Variants in SAMD12 observed in about 807,000 individuals in gnomAD.
SAMD12 encodes the protein sterile alpha motif domain-containing protein 12.
Under a neutral mutation model 15.0 loss-of-function variants are expected in SAMD12, and 9 were observed. The ratio of observed to expected loss-of-function variants is 0.60; its 90% confidence interval spans 0.36 to 1.05. The LOEUF (loss-of-function observed/expected upper bound fraction) is 1.05, where lower values mean the gene tolerates loss of function less well. Among genes scored for constraint, SAMD12 ranks in the 50% least tolerant of loss-of-function variants. SAMD12 has a pLI of 0.01. For missense variants in SAMD12, 230 were observed against 234.2 expected, an observed-to-expected ratio of 0.98 and a Z score of 0.12; for synonymous variants, 86 against 90.1, an observed-to-expected ratio of 0.96 and a Z score of 0.25.
At chr8:118,558,727 T>A (rs888060110) in intron 2 of SAMD12, among the ~76,000 whole-genome samples, 2 of 151,656 alleles carry the variant, frequency 1.3e-5, no homozygotes, top group African/African-American at 4.9e-5. Flanking sequence ...CCCGGCTAAT[T>A]TTTTGTATTT....
intron 4 of SAMD12, among the ~76,000 whole-genome samples, chr8:118,209,691 C>T (rs1819964706): frequency 6.6e-6 from 1 of 152,180 alleles, no homozygotes; most frequent in African/African-American, 2.4e-5. Flanking sequence ...GGTAATAGAG[C>T]CCAGATGTCC....
chr8:118,180,631 G>T, the SAMD12 span, among the ~76,000 whole-genome samples: 1 of 152,002 alleles, frequency 6.6e-6, no homozygotes, highest in African/African-American at 2.4e-5. Flanking sequence ...GGAGTGCAGT[G>T]GTGTGATGCT....
chr8:118,361,364 C>G (rs984863759), intron 4 of SAMD12, among the ~76,000 whole-genome samples: 1 of 152,176 alleles, frequency 6.6e-6, no homozygotes, highest in Non-Finnish European at 1.5e-5. Context: ...CTGATTCCCA[C>G]TACCTCATCG....
intron 1 of SAMD12, among the ~76,000 whole-genome samples, chr8:118,617,464 G>A (rs557723740): frequency 3.9e-5 from 6 of 152,330 alleles, no homozygotes; most frequent in African/African-American, 1.2e-4. Flanking sequence ...GTTCATTTAT[G>A]ATGGAAAATT....
rs573484125 is a variant in SAMD12, at chr8:118,273,226, T to C, written c.434-75494A>G. ...AGAAAACATGTCCTTCTTCACATGG[T>C]GGTAGCAAGAAGTGCTGCACAAAGT... On this transcript the variant is annotated intron_variant, in intron 4 of 4. Transcript: ENST00000409003. Among the ~76,000 whole-genome samples the C allele has an allele frequency of 7.9e-5, 12 of 152,246 alleles. No individual in the cohort carries two copies. In the South Asian group the frequency reaches 2.3e-3, roughly 29 times the overall value.
intron 1 of SAMD12, among the ~76,000 whole-genome samples, chr8:118,587,383 C>A (rs1747173670): frequency 6.6e-6 from 1 of 152,222 alleles, no homozygotes; most frequent in African/African-American, 2.4e-5. Flanking sequence ...CACAAAAAGT[C>A]TGTAACTCTT....
At chr8:118,422,240 A>T (rs566828828) in intron 3 of SAMD12, among the ~76,000 whole-genome samples, 1 of 152,384 alleles carries the variant, frequency 6.6e-6, no homozygotes, top group East Asian at 1.9e-4. Flanking sequence ...AGAGATAGTA[A>T]GATAAATCAG....
At chr8:118,178,154 C>T in the SAMD12 span, among the ~76,000 whole-genome samples, 1,294 of 152,306 alleles carry the variant, frequency 8.5e-3, 22 homozygotes, top group African/African-American at 0.029. Context: ...AAATAAAACA[C>T]TAAATGTTTG....
At chr8:118,165,595 CATATATACATATATATATGTATAT>C in the SAMD12 span, among the ~76,000 whole-genome samples, 1 of 96,954 alleles carries the variant, frequency 1.0e-5, no homozygotes, top group South Asian at 3.3e-4. Flanking sequence ...TATATATATA[CATATATACATATATATATGTATAT>C]ATATATATAT....
At chr8:118,458,650 C>T (rs989527632) in intron 2 of SAMD12, among the ~76,000 whole-genome samples, 1 of 152,154 alleles carries the variant, frequency 6.6e-6, no homozygotes, top group Non-Finnish European at 1.5e-5. Flanking sequence ...TCAGCGAAGT[C>T]ATTTGGGATT....
chr8:118,519,540 T>A (rs1825332930), intron 2 of SAMD12, among the ~76,000 whole-genome samples: 2 of 152,358 alleles, frequency 1.3e-5, no homozygotes, highest in African/African-American at 4.8e-5. Context: ...CATTCTAAAG[T>A]ACATAGAGCA....
chr8:118,288,592 T>C (rs1052271850), intron 4 of SAMD12, among the ~76,000 whole-genome samples: 3 of 152,220 alleles, frequency 2.0e-5, no homozygotes, highest in South Asian at 2.1e-4. Context: ...AAAAAGCATC[T>C]AGTCATTTAA....
intron 2 of SAMD12, among the ~76,000 whole-genome samples, chr8:118,569,956 G>C (rs981616202): frequency 3.9e-5 from 6 of 152,196 alleles, no homozygotes; most frequent in Non-Finnish European, 5.9e-5. Context: ...GTTTTACTTG[G>C]CACCTGGTGA....
intron 3 of SAMD12, among the ~76,000 whole-genome samples, chr8:118,394,309 T>A (rs1397579200): frequency 6.6e-6 from 1 of 152,222 alleles, no homozygotes; most frequent in East Asian, 1.9e-4. Context: ...TCTGATGAGC[T>A]TCAAGGGTTG....
intron 2 of SAMD12, 21 bp from the exon 3 acceptor site, chr8:118,439,982 T>C (rs868474461): frequency 1.9e-6 from 3 of 1,612,960 alleles, no homozygotes; most frequent in Middle Eastern, 3.3e-4. Context: ...AGAAGGAAGA[T>C]CTGTCAATGC....
At chr8:118,185,532 A>G (rs1819228566), downstream of SAMD12, among the ~76,000 whole-genome samples, 1 of 152,224 alleles carries the variant, frequency 6.6e-6, no homozygotes, top group Non-Finnish European at 1.5e-5. Context: ...AATGGCCTCC[A>G]GCTCCATCCA....
At chr8:118,411,465 G>A (rs935546839) in intron 3 of SAMD12, among the ~76,000 whole-genome samples, 1 of 152,162 alleles carries the variant, frequency 6.6e-6, no homozygotes, top group Non-Finnish European at 1.5e-5. Flanking sequence ...ATTTAAGGGA[G>A]TATGTCATTG....
In SAMD12 at chr8:118,339,733, T is replaced by C. The variant is rs146629233; in HGVS notation, c.433+39827A>G. Among the ~76,000 whole-genome samples the C allele has an allele frequency of 2.8e-4, 42 of 152,328 alleles. 1 individual carries two copies. The highest frequency in any genetic ancestry group is 9.6e-4 in the African/African-American group (40 of 41,580). On this transcript the variant is annotated intron_variant, in intron 4 of 4. Coordinates refer to the SAMD12 transcript ENST00000409003. ...GCAGCTGCGATGGGTCAGTCCTCTC[T>C]TTCTCCTCCCTATGCACTCACTTCA...
intron 4 of SAMD12, among the ~76,000 whole-genome samples, chr8:118,316,975 G>T (rs1237708091): frequency 6.6e-6 from 1 of 151,902 alleles, no homozygotes; most frequent in African/African-American, 2.4e-5. Context: ...CTTTAAAGAG[G>T]TAATTAAATT....
Sources: gnomAD v4.1 joint callset for allele counts (sites outside exome capture counted in the v4.1 genomes callset) on GRCh38, gnomAD v4.1.1 for gene constraint, MANE v1.5 for transcripts, NCBI Gene and HGNC (gene_info 2026-07-23, HGNC 2026-07-21) for gene names.